JMJD8: variants seen among roughly 807,000 people sequenced by gnomAD.
JMJD8 encodes the protein jumonji domain containing 8.
JMJD8 carries 56 observed loss-of-function variants against 37.6 expected under a neutral mutation model. That is an observed-to-expected ratio of 1.49 (90% CI 1.20 to 1.86). The LOEUF is 1.86. Among genes scored for constraint, JMJD8 ranks in the 40% most tolerant of loss-of-function variants. The pLI is 0.00. For synonymous variants in JMJD8, 261 were observed against 163.7 expected (o/e 1.59, Z -4.54); for missense variants, 542 against 362.7 (o/e 1.49, Z -4.01).
chr16:682,782 CAGCTGTTTTGGCT>C lies in JMJD8; in HGVS notation c.794_*11del. ...GCTGGTGTGTGACCGGCAGTCCTGC[CAGCTGTTTTGGCT>C]AGCCGAGGAAGGTGGAGATGAAGAC... On this transcript the variant is annotated stop_lost and 3_prime_UTR_variant, in exon 9 of 9. Coordinates refer to ENST00000609261, the MANE Select transcript of JMJD8 (RefSeq NM_001005920.4). 11 of 1,612,820 alleles carry C rather than the reference CAGCTGTTTTGGCT, an allele frequency of 6.8e-6. No homozygotes were observed. The highest frequency in any genetic ancestry group is 9.3e-6 in the Non-Finnish European group (11 of 1,179,712).
chr16:684,006 C>T, intron 2 of JMJD8, 60 bp downstream of exon 2: 2 of 1,559,508 alleles, frequency 1.3e-6, no homozygotes, highest in South Asian at 1.2e-5. Flanking sequence ...CGGCCTTGGG[C>T]GGTCGGGGCA....
chr16:683,990 G>C, intron 2 of JMJD8, 76 bp downstream of exon 2: 1 of 1,557,856 alleles, frequency 6.4e-7, no homozygotes, highest in South Asian at 1.2e-5. Flanking sequence ...CGAGGTCAGG[G>C]GAAGGCGGCC....
chr16:684,145 C>G lies in JMJD8; in HGVS notation c.97G>C (p.Gly33Arg). The G allele has an allele frequency of 1.3e-6, 2 of 1,483,466 alleles. No homozygotes were observed. The highest frequency in any genetic ancestry group is 1.8e-6 in the Non-Finnish European group (2 of 1,124,778). 91.9% of individuals were successfully genotyped at this position (1,483,466 alleles called of 1,614,324 possible). A position where few individuals can be genotyped will look rare whatever the true frequency, so the allele number is the denominator to read the frequency against. The change falls in exon 2 of 9, where the codon GGG becomes CGG. Residue 33 changes from glycine to arginine, a missense_variant. By Grantham distance (125) the Gly-to-Arg change is moderately radical (BLOSUM62 -2). Coordinates refer to ENST00000609261, the MANE Select transcript of JMJD8 (RefSeq NM_001005920.4). ...AEGDGGWRPG[G>R]PGAVAEEERC... ...TCCTCCTCCGCCACGGCCCCCGGCC[C>G]GCCCGGGCGCCTGCGGGCACAGCTG...
rs1405628659 is a variant in JMJD8 at position 683,762 on chromosome 16, G to A, written c.245C>T (p.Ser82Phe). ...TDNSRFRALC[S>F]RDRLLASFGD... ...AAACGAAGCCAGCAACCTGTCGCGG[G>A]AGCACAGGGCCCGGAACCTCTGCGG... is the stretch of plus-strand genomic sequence containing the variant. The change falls in exon 4 of 9, where the codon TCC (serine) becomes TTC (phenylalanine). Residue 82 changes from serine (S) to phenylalanine (F), a missense_variant. Physicochemically the swap from Ser to Phe is radical, Grantham distance 155. Coordinates refer to ENST00000609261, the MANE Select transcript of JMJD8 (RefSeq NM_001005920.4). 2.5e-6 allele frequency: 4 copies of A among 1,608,684 alleles called. No individual in the cohort carries two copies. The highest frequency in any genetic ancestry group is 3.4e-6 in the Non-Finnish European group (4 of 1,178,178).
Position 683,920 on chromosome 16 carries a change from G to C in JMJD8, c.177-11C>G, listed in dbSNP as rs1596560692. On this transcript the variant is annotated splice_polypyrimidine_tract_variant and intron_variant, in intron 2 of 8. Transcript: ENST00000609261. The stretch of plus-strand genomic sequence containing the variant: ...CTGACGAAGGCGTACCTGGAAAGAA[G>C]GGCAGAGTCGCGGCCAGGCCGGACC... 1 of 1,572,712 alleles carries C rather than the reference G, an allele frequency of 6.4e-7. No individual in the cohort carries two copies. Among genetic ancestry groups the C allele is most frequent in the East Asian group, 2.4e-5 (1 of 42,488 alleles).
rs753608964 is a variant in JMJD8 at position 683,191 on chromosome 16, G to A, written c.555C>T (p.Tyr185=). The change falls in exon 7 of 9, where the codon TAC becomes TAT. Residue 185 remains tyrosine (Y), a synonymous_variant. Coordinates refer to ENST00000609261, the MANE Select transcript of JMJD8 (RefSeq NM_001005920.4). ...GVPFHWHGPG[Y]SEVIYGRKRW... is the part of the protein sequence containing the mutation. Reference sequence around the variant, plus strand: ...CCTTACGACCGTAGATCACTTCTGAGTACCCGGGTCCATGCCAGTGGAAGG... The same window carrying A: ...CCTTACGACCGTAGATCACTTCTGAATACCCGGGTCCATGCCAGTGGAAGG... 3.7e-6 allele frequency: 6 copies of A among 1,613,276 alleles called. No homozygotes were observed. In the South Asian group the frequency reaches 5.5e-5, roughly 15 times the overall value.
In JMJD8 at chr16:683,177, T is replaced by C. The variant is rs1196550227; in HGVS notation, c.569A>G (p.Tyr190Cys). ...CCACCCCGTGCTGACCTTACGACCG[T>C]AGATCACTTCTGAGTACCCGGGTCC... Reference protein sequence around the residue: ...WHGPGYSEVIYGRKRWFLYPP... With the variant: ...WHGPGYSEVICGRKRWFLYPP... Residue 190 changes from tyrosine to cysteine, a missense_variant, in exon 7 of 9, where the codon TAC (tyrosine) becomes TGC (cysteine). Tyr to Cys is a radical substitution (Grantham distance 194). Coordinates refer to ENST00000609261, the MANE Select transcript of JMJD8 (RefSeq NM_001005920.4). 6.2e-7 allele frequency: 1 copy of C among 1,613,274 alleles called. No homozygotes were observed. The highest frequency in any genetic ancestry group is 8.5e-7 in the Non-Finnish European group (1 of 1,179,866).
At position 682,217 on chromosome 16, in the gene JMJD8, G is replaced by C. The variant is rs571293928; in HGVS notation, c.*577C>G. Reference sequence around the variant, plus strand: ...GGCAAGATCAGCTTTGAGCTGATGCGGGAGCCGTGCATCACGCCCAGTGGC... The same window carrying C: ...GGCAAGATCAGCTTTGAGCTGATGCCGGAGCCGTGCATCACGCCCAGTGGC... On this transcript the variant is annotated 3_prime_UTR_variant, in exon 9 of 9. Coordinates refer to ENST00000609261, the MANE Select transcript of JMJD8 (RefSeq NM_001005920.4). The C allele has an allele frequency of 6.2e-7, 1 of 1,612,980 alleles. No homozygotes were observed. Among genetic ancestry groups the C allele is most frequent in the Non-Finnish European group, 8.5e-7 (1 of 1,179,846 alleles).
At position 682,316 on chromosome 16, in the gene JMJD8, C is replaced by T; in HGVS notation, c.*478G>A. The T allele has an allele frequency of 6.2e-7, 1 of 1,612,854 alleles. No individual in the cohort carries two copies. ...GCGGCTGGGGGAGCAGGGCCAGTGG[C>T]ATGGTCCTGGGCCCCATGACTGCCC... On this transcript the variant is annotated 3_prime_UTR_variant, in exon 9 of 9. Coordinates refer to ENST00000609261, the MANE Select transcript of JMJD8 (RefSeq NM_001005920.4).
intron 5 of JMJD8, 34 bp downstream of exon 5, chr16:683,496 C>T (rs952289012): frequency 1.3e-6 from 2 of 1,545,584 alleles, no homozygotes; most frequent in African/African-American, 1.4e-5. Flanking sequence ...CTCCAAGCGT[C>T]CCCACCCCCT....
At position 681,708 on chromosome 16, in the gene JMJD8, G is replaced by C. The variant is rs2039660354; in HGVS notation, c.*1086C>G. On this transcript the variant is annotated 3_prime_UTR_variant, in exon 9 of 9. Transcript: ENST00000609261. ...TTTACTGGCAAGCAGGAAATGTGGGGAAGTGTGGATGTTAGCTCTGAGATT... is the reference window on the plus strand; with the variant it reads ...TTTACTGGCAAGCAGGAAATGTGGGCAAGTGTGGATGTTAGCTCTGAGATT... 6.4e-7 allele frequency: 1 copy of C among 1,553,204 alleles called. No homozygotes were observed. The highest frequency in any genetic ancestry group is 8.7e-7 in the Non-Finnish European group (1 of 1,144,014).
At position 682,543 on chromosome 16, in the gene JMJD8, C is replaced by A; in HGVS notation, c.*251G>T. The A allele has an allele frequency of 6.2e-7, 1 of 1,608,532 alleles. No individual in the cohort carries two copies. Among genetic ancestry groups the A allele is most frequent in the East Asian group, 2.2e-5 (1 of 44,832 alleles). ...CCAGGGGAGCCCTGGGCAGAAGCCC[C>A]CGGCCCCTATACATAGTTTATGTTC... On this transcript the variant is annotated 3_prime_UTR_variant, in exon 9 of 9. Coordinates refer to ENST00000609261, the MANE Select transcript of JMJD8 (RefSeq NM_001005920.4).
chr16:682,004 ACTCAACTCTT>A lies in JMJD8; in HGVS notation c.*780_*789del, dbSNP rs762325097. On this transcript the variant is annotated 3_prime_UTR_variant, in exon 9 of 9. Transcript: ENST00000609261. ...GTGGGGTGTCTCCCCCAAGCACAGCACTCAACTCTTCACAGGACAAGTACATGGCGGACAT... is the reference window on the plus strand; with the variant it reads ...GTGGGGTGTCTCCCCCAAGCACAGCACACAGGACAAGTACATGGCGGACAT... The A allele has an allele frequency of 6.2e-7, 1 of 1,609,742 alleles. No individual in the cohort carries two copies. Among genetic ancestry groups the A allele is most frequent in the Non-Finnish European group, 8.5e-7 (1 of 1,177,052 alleles).
At position 684,280 on chromosome 16, in the gene JMJD8, C is replaced by T; in HGVS notation, c.40G>A (p.Ala14Thr). 1.4e-6 allele frequency: 2 copies of T among 1,454,396 alleles called. No homozygotes were observed. The highest frequency in any genetic ancestry group is 1.8e-6 in the Non-Finnish European group (2 of 1,112,318). The allele number at this position is 1,454,396 out of a possible 1,614,324, so 90.1% of individuals were successfully genotyped here. ...ASRLLALWAL[A>T]AVALPGSGAE... is the part of the protein sequence containing the mutation. ...CCGGAGCCGGGTAGAGCCACAGCCG[C>T]CAGCGCCCAGAGCGCGAGCAACCGC... Residue 14 changes from alanine to threonine, a missense_variant, in exon 1 of 9, where the codon GCG becomes ACG. Physicochemically the swap from Ala to Thr is moderately conservative, Grantham distance 58. Coordinates refer to ENST00000609261, the MANE Select transcript of JMJD8 (RefSeq NM_001005920.4).
In JMJD8 at chr16:682,488, G is replaced by A. The variant is rs1423919844; in HGVS notation, c.*306C>T. The A allele has an allele frequency of 6.2e-7, 1 of 1,613,116 alleles. No homozygotes were observed. The highest frequency in any genetic ancestry group is 8.5e-7 in the Non-Finnish European group (1 of 1,180,012). Reference sequence around the variant, plus strand: ...GAGAATGGCTGGGTGGAGGACTACTGAGGTTCCCTGCCCTACCTGGCGTCC... The same window carrying A: ...GAGAATGGCTGGGTGGAGGACTACTAAGGTTCCCTGCCCTACCTGGCGTCC... On this transcript the variant is annotated 3_prime_UTR_variant, in exon 9 of 9. Transcript: ENST00000609261.
chr16:683,958 G>A (rs771578539), intron 2 of JMJD8, 49 bp from the exon 3 acceptor site: 134 of 1,556,590 alleles, frequency 8.6e-5, no homozygotes, highest in Non-Finnish European at 9.9e-5. Context: ...CAGCCTCGCC[G>A]CCCCAGCCCC....
rs376757447 is a variant in JMJD8, at chr16:683,670, G to A, written c.322+15C>T. 295 of 1,592,594 alleles carry A rather than the reference G, an allele frequency of 1.9e-4. No homozygotes were observed. Among genetic ancestry groups the A allele is most frequent in the Non-Finnish European group, 2.3e-4 (267 of 1,170,582 alleles). On this transcript the variant is annotated intron_variant, in intron 4 of 8. Coordinates refer to ENST00000609261, the MANE Select transcript of JMJD8 (RefSeq NM_001005920.4). ...TGTTGGCAAATGGGCGGGCCCCAGG[G>A]GTGAGGCCGCGTACCTTTGTGGTAG...
rs1367645940 is a variant in JMJD8, at chr16:683,789, G to T, written c.226-8C>A. ...GCACAGGGCCCGGAACCTCTGCGGGGGCGGGGAGGGGACTTAGTGGCCGGG... is the reference window on the plus strand; with the variant it reads ...GCACAGGGCCCGGAACCTCTGCGGGTGCGGGGAGGGGACTTAGTGGCCGGG... On this transcript the variant is annotated splice_polypyrimidine_tract_variant and splice_region_variant and intron_variant, in intron 3 of 8. Coordinates refer to ENST00000609261, the MANE Select transcript of JMJD8 (RefSeq NM_001005920.4). The T allele has an allele frequency of 1.3e-6, 2 of 1,599,802 alleles. No homozygotes were observed. The highest frequency in any genetic ancestry group is 1.3e-5 in the African/African-American group (1 of 74,760).
Position 684,140 on chromosome 16 carries a change from C to A in JMJD8, c.102G>T (p.Pro34=). The change falls in exon 2 of 9, where the codon CCG becomes CCT. Residue 34 remains proline, a synonymous_variant. Transcript: ENST00000609261. ...AGCGCTCCTCCTCCGCCACGGCCCCCGGCCCGCCCGGGCGCCTGCGGGCAC... is the reference window on the plus strand; with the variant it reads ...AGCGCTCCTCCTCCGCCACGGCCCCAGGCCCGCCCGGGCGCCTGCGGGCAC... ...EGDGGWRPGG[P]GAVAEEERCT... 1 of 1,491,888 alleles carries A rather than the reference C, an allele frequency of 6.7e-7. No individual in the cohort carries two copies. The highest frequency in any genetic ancestry group is 2.8e-5 in the East Asian group (1 of 35,582). The allele number at this position is 1,491,888 out of a possible 1,614,324, so 92.4% of individuals were successfully genotyped here. A position where few individuals can be genotyped will look rare whatever the true frequency, so the allele number is the denominator to read the frequency against.
Sources: allele counts gnomAD v4.1 joint callset, GRCh38; gene constraint gnomAD v4.1.1; transcripts MANE v1.5; gene names NCBI Gene and HGNC (gene_info 2026-07-23, HGNC 2026-07-21).